The following SIPA1L1 variants were observed in gnomAD, a reference collection of about 807,000 sequenced individuals.
SIPA1L1 encodes the protein signal-induced proliferation-associated 1-like protein 1.
SIPA1L1 carries 26 observed loss-of-function variants against 162.7 expected under a neutral mutation model. The ratio of observed to expected loss-of-function variants is 0.16; its 90% CI spans 0.12 to 0.22. The LOEUF (loss-of-function observed/expected upper bound fraction) is 0.22. Ranked by LOEUF, SIPA1L1 falls within the 10% of genes least tolerant of loss-of-function variation. SIPA1L1 has a pLI of 1.00. For synonymous variants in SIPA1L1, 829 were observed against 837.4 expected (o/e 0.99, Z 0.17); for missense variants, 1,874 against 2,241.0 (o/e 0.84, Z 3.31).
intron 9 of SIPA1L1, among the ~76,000 whole-genome samples, chr14:71,658,973 TA>T (rs1408618960): frequency 6.6e-6 from 1 of 152,204 alleles, no homozygotes; most frequent in Non-Finnish European, 1.5e-5. Context: ...GAGCTTCTCT[TA>T]AAATGATCTA....
At chr14:71,520,120 A>AT (rs550600037) in intron 3 of SIPA1L1, among the ~76,000 whole-genome samples, 1 of 152,168 alleles carries the variant, frequency 6.6e-6, no homozygotes, top group African/African-American at 2.4e-5. Flanking sequence ...GAAAAAACAA[A>AT]TTTTTTTTAA....
At chr14:71,535,541 C>A (rs965029690) in intron 4 of SIPA1L1, among the ~76,000 whole-genome samples, 13 of 151,710 alleles carry the variant, frequency 8.6e-5, no homozygotes, top group African/African-American at 3.1e-4. Flanking sequence ...AAAGTCAAGT[C>A]ACCAGAAGCT....
At chr14:71,642,310 A>G (rs1013784879) in intron 7 of SIPA1L1, among the ~76,000 whole-genome samples, 4 of 152,136 alleles carry the variant, frequency 2.6e-5, no homozygotes, top group African/African-American at 9.7e-5. Context: ...TCCCTGATTG[A>G]GATTGAGATG....
chr14:71,675,692 AG>A (rs1264869968), intron 12 of SIPA1L1, among the ~76,000 whole-genome samples: 1 of 152,090 alleles, frequency 6.6e-6, no homozygotes, highest in Non-Finnish European at 1.5e-5. Context: ...CTTCTTTGTC[AG>A]CTGGGACTTC....
chr14:71,502,254 AAATAT>A lies in SIPA1L1; in HGVS notation c.-464-10487_-464-10483del, dbSNP rs1336997215. ...CTTTGAGATACTTGAAAAAAAAAAA[AAATAT>A]ATATATATATATATATATATTTGAG... On this transcript the variant is annotated intron_variant, in intron 2 of 23. Coordinates refer to ENST00000381232, the MANE Select transcript of SIPA1L1 (RefSeq NM_001386936.1). Among the ~76,000 whole-genome samples the A allele has an allele frequency of 1.4e-4, 16 of 113,980 alleles. No homozygotes were observed. The East Asian group carries it at 5.1e-3, about 36-fold the overall frequency. The allele number at this position is 113,980 out of a possible 152,430, so 74.8% of individuals were successfully genotyped here. A position where few individuals can be genotyped will look rare whatever the true frequency, so the allele number is the denominator to read the frequency against.
chr14:71,650,555 T>G lies in SIPA1L1; in HGVS notation c.1993+46T>G, dbSNP rs780115329. ...CCTACTAGGCTTATTTTCCCCCTGT[T>G]GTGCTGTTGTGCATCTGCTAAATTA... On this transcript the variant is annotated intron_variant, in intron 8 of 23. Coordinates refer to ENST00000381232, the MANE Select transcript of SIPA1L1 (RefSeq NM_001386936.1). 14 of 1,560,200 alleles carry G rather than the reference T, an allele frequency of 9.0e-6. No homozygotes were observed. In the South Asian group the frequency reaches 1.6e-4, roughly 17 times the overall value.
At chr14:71,527,129 A>AT (rs1165250236) in intron 3 of SIPA1L1, among the ~76,000 whole-genome samples, 1 of 151,962 alleles carries the variant, frequency 6.6e-6, no homozygotes, top group Non-Finnish European at 1.5e-5. Flanking sequence ...CTTGTTAGCC[A>AT]TTTTTATATT....
At chr14:71,624,272 A>G (rs2039742396) in intron 7 of SIPA1L1, 36 bp downstream of exon 7, 1 of 1,544,850 alleles carries the variant, frequency 6.5e-7, no homozygotes. Flanking sequence ...ATTCTTGCTC[A>G]GGTTTATTGC....
intron 2 of SIPA1L1, among the ~76,000 whole-genome samples, chr14:71,452,349 A>G (rs1214532224): frequency 6.6e-6 from 1 of 152,106 alleles, no homozygotes; most frequent in Non-Finnish European, 1.5e-5. Context: ...ATGTATACAC[A>G]TTTTCGTATA....
chr14:71,400,656 T>C (rs1338363827), intron 2 of SIPA1L1: 1 of 151,008 alleles, frequency 6.6e-6, no homozygotes, highest in African/African-American at 2.4e-5. Flanking sequence ...TATGTTAATA[T>C]GTATATATGT....
intron 2 of SIPA1L1, among the ~76,000 whole-genome samples, chr14:71,428,064 C>A (rs1242369144): frequency 6.6e-6 from 1 of 151,794 alleles, no homozygotes; most frequent in East Asian, 1.9e-4. Flanking sequence ...GTGATCTTGA[C>A]TCACTGCAGC....
chr14:71,395,988 GCTCATGCCTTTTACA>G (rs2141430767), intron 2 of SIPA1L1, among the ~76,000 whole-genome samples: 1 of 152,256 alleles, frequency 6.6e-6, no homozygotes, highest in Non-Finnish European at 1.5e-5. Flanking sequence ...TGATGATGGA[GCTCATGCCTTTTACA>G]CTCCACTGTG....
intron 2 of SIPA1L1, among the ~76,000 whole-genome samples, chr14:71,426,083 G>C (rs1415355265): frequency 6.6e-6 from 1 of 152,018 alleles, no homozygotes; most frequent in Non-Finnish European, 1.5e-5. Context: ...TTGTGTCTTT[G>C]GATCTAAAGT....
chr14:71,561,923 G>A (rs1208951509), intron 4 of SIPA1L1, among the ~76,000 whole-genome samples: 3 of 151,934 alleles, frequency 2.0e-5, no homozygotes, highest in Non-Finnish European at 4.4e-5. Flanking sequence ...TTTTCCTCTT[G>A]TAAATGGCAT....
At chr14:71,448,055 C>T (rs1801990761) in intron 2 of SIPA1L1, among the ~76,000 whole-genome samples, 1 of 152,144 alleles carries the variant, frequency 6.6e-6, no homozygotes, top group Admixed American at 6.5e-5. Context: ...GCTTCCAGAA[C>T]AGTCCTGTGA....
chr14:71,530,668 C>T (rs2053353863), intron 4 of SIPA1L1, among the ~76,000 whole-genome samples: 1 of 152,170 alleles, frequency 6.6e-6, no homozygotes, highest in Non-Finnish European at 1.5e-5. Flanking sequence ...CGAATGTTTA[C>T]CAATTCCATT....
chr14:71,637,575 TA>T (rs1567368883), intron 7 of SIPA1L1, among the ~76,000 whole-genome samples: 1 of 150,818 alleles, frequency 6.6e-6, no homozygotes, highest in Admixed American at 6.6e-5. Context: ...ACAAAAAATT[TA>T]AAAAAAAAGT....
At chr14:71,517,987 C>A (rs926209173) in intron 3 of SIPA1L1, among the ~76,000 whole-genome samples, 1 of 151,980 alleles carries the variant, frequency 6.6e-6, no homozygotes, top group Admixed American at 6.6e-5. Flanking sequence ...TAGAATGAGG[C>A]GAGCTGCAGT....
chr14:71,632,357 G>A (rs1200501211), intron 7 of SIPA1L1, among the ~76,000 whole-genome samples: 2 of 152,084 alleles, frequency 1.3e-5, no homozygotes, highest in Admixed American at 1.3e-4. Flanking sequence ...TCCCCCAAAT[G>A]TCTGTTCTTT....
Sources: allele counts gnomAD v4.1 joint callset (sites outside exome capture counted in the v4.1 genomes callset), GRCh38; gene constraint gnomAD v4.1.1; transcripts MANE v1.5; gene names NCBI Gene and HGNC (gene_info 2026-07-23, HGNC 2026-07-21).